The following EP400 variants were observed in gnomAD, a reference collection of about 807,000 sequenced individuals.
EP400 encodes the protein E1A binding protein p400, also known as E1A-binding protein p400.
In EP400, 105 loss-of-function variants were observed where a neutral mutation model predicts 354.1. The observed-to-expected ratio is 0.30, with a 90% CI of 0.25 to 0.35. EP400 has a LOEUF of 0.35. Among genes scored for constraint, EP400 ranks in the 10% least tolerant of loss-of-function variants. The probability of loss-of-function intolerance (pLI) is 1.00; values close to 1 mark genes in which losing one functional copy is unlikely to be tolerated. For missense variants in EP400, 3,280 were observed against 4,121.0 expected, an observed-to-expected ratio of 0.80 and a Z score of 5.59; for synonymous variants, 1,646 against 1,716.9, an observed-to-expected ratio of 0.96 and a Z score of 1.02.
chr12:132,022,487 C>T (rs1213778000), intron 23 of EP400, among the ~76,000 whole-genome samples: 1 of 152,176 alleles, frequency 6.6e-6, no homozygotes, highest in African/African-American at 2.4e-5. Context: ...ATAATTCTGG[C>T]ATGGATTTCT....
chr12:131,959,584 G>A (rs1593309224), intron 1 of EP400, among the ~76,000 whole-genome samples: 1 of 152,286 alleles, frequency 6.6e-6, no homozygotes, highest in African/African-American at 2.4e-5. Flanking sequence ...GCTCAGCAGC[G>A]TTTGGGTTAC....
chr12:132,032,484 C>T (rs1189027545), intron 30 of EP400, among the ~76,000 whole-genome samples: 1 of 152,148 alleles, frequency 6.6e-6, no homozygotes, highest in Non-Finnish European at 1.5e-5. Flanking sequence ...ACGTGTGGTA[C>T]CTCTTGCAGA....
At chr12:131,983,722 C>T (rs1892758388) in intron 5 of EP400, among the ~76,000 whole-genome samples, 3 of 152,162 alleles carry the variant, frequency 2.0e-5, no homozygotes, top group Admixed American at 2.0e-4. Flanking sequence ...CTCTGTCACC[C>T]AGGCTGGAAT....
rs1284159880 is a variant in EP400, at chr12:132,075,465, A to G, written c.9022-1051A>G. On this transcript the variant is annotated intron_variant, in intron 51 of 52. Coordinates refer to ENST00000389561, the MANE Select transcript of EP400 (RefSeq NM_015409.5). This position sits in a 1 kb window ranked among gnomAD's most constrained non-coding sequence, Gnocchi z 4.5. ...GCTAGTGCTTTATTTAAGACGTCTCAGGATTTTCAGTGCTGTGCCAAGTAA... is the reference window on the plus strand; with the variant it reads ...GCTAGTGCTTTATTTAAGACGTCTCGGGATTTTCAGTGCTGTGCCAAGTAA... Among the ~76,000 whole-genome samples, 1 of 152,224 alleles carries G rather than the reference A, an allele frequency of 6.6e-6. No homozygotes were observed. The highest frequency in any genetic ancestry group is 2.4e-5 in the African/African-American group (1 of 41,462).
chr12:132,000,204 T>G (rs1893361297), intron 12 of EP400, among the ~76,000 whole-genome samples: 1 of 152,130 alleles, frequency 6.6e-6, no homozygotes, highest in Admixed American at 6.5e-5. Context: ...TTTTCTGATT[T>G]CCCCTGTATA....
chr12:132,062,683 T>C lies in EP400; in HGVS notation c.8316T>C (p.Ala2772=). Residue 2772 remains alanine, a synonymous_variant, in exon 47 of 53, where the codon GCT becomes GCC. Coordinates refer to ENST00000389561, the MANE Select transcript of EP400 (RefSeq NM_015409.5). ...CCCAGTCCCCAGCACAGATCAAAGC[T>C]GTGGGCAAGCTGACGCCGGTGAGCA... The part of the protein sequence containing the change: ...GQAQSPAQIK[A]VGKLTPEHLI... 1 of 1,613,468 alleles carries C rather than the reference T, an allele frequency of 6.2e-7. No homozygotes were observed. Among genetic ancestry groups the C allele is most frequent in the Non-Finnish European group, 8.5e-7 (1 of 1,179,488 alleles).
At chr12:131,977,961 T>G (rs991644122) in intron 2 of EP400, among the ~76,000 whole-genome samples, 1 of 152,200 alleles carries the variant, frequency 6.6e-6, no homozygotes, top group African/African-American at 2.4e-5. Context: ...GTTTAAAATG[T>G]CTCACTAAGT....
chr12:131,992,242 C>G lies in EP400; in HGVS notation c.2737+12C>G, dbSNP rs1197797729. On this transcript the variant is annotated intron_variant, in intron 11 of 52. Coordinates refer to ENST00000389561, the MANE Select transcript of EP400 (RefSeq NM_015409.5). ...GACTGATGACGAAGGTCTGTTCCCC[C>G]TCAGCACTATCTTTGTCATCTCCAG... The G allele has an allele frequency of 8.1e-6, 13 of 1,607,548 alleles. No individual in the cohort carries two copies. Among genetic ancestry groups the G allele is most frequent in the Non-Finnish European group, 9.3e-6 (11 of 1,178,492 alleles).
rs147304028 is a variant in EP400, at chr12:131,979,706, G to A, written c.1348G>A (p.Ala450Thr). The A allele has an allele frequency of 2.3e-5, 37 of 1,606,534 alleles. No homozygotes were observed. Among genetic ancestry groups the A allele is most frequent in the East Asian group, 6.8e-5 (3 of 44,186 alleles). Residue 450 changes from alanine to threonine, a missense_variant, in exon 3 of 53, where the codon GCA becomes ACA. Ala to Thr is a moderately conservative substitution (Grantham distance 58). Around this residue, in one of 20 missense-constraint regions of EP400, gnomAD observed 800 missense variants for 840.0 expected, o/e 0.95. Transcript: ENST00000389561. ...EVINDEQQAL[A>T]GSLVAGAGST... Reference sequence around the variant, plus strand: ...TCTTTTTTCCCAGCAGCAAGCCCTCGCAGGGAGCCTGGTAGCAGGGGCCGG... The same window carrying A: ...TCTTTTTTCCCAGCAGCAAGCCCTCACAGGGAGCCTGGTAGCAGGGGCCGG...
chr12:131,964,825 A>G (rs1032938428), intron 2 of EP400, among the ~76,000 whole-genome samples: 1 of 152,232 alleles, frequency 6.6e-6, no homozygotes, highest in Non-Finnish European at 1.5e-5. Context: ...AGGAAATTGT[A>G]CAGTAGTACA....
chr12:131,986,016 C>T (rs1044053236), intron 5 of EP400, among the ~76,000 whole-genome samples: 3 of 152,000 alleles, frequency 2.0e-5, no homozygotes, highest in Non-Finnish European at 2.9e-5. Flanking sequence ...GCTTCGTTGC[C>T]CAGGCTGGAG....
intron 2 of EP400, chr12:131,963,725 C>A: frequency 9.4e-7 from 1 of 1,058,440 alleles, no homozygotes; most frequent in Non-Finnish European, 1.3e-6. Context: ...ATACTACTTG[C>A]TCTTCAGCAT....
chr12:131,970,500 G>A (rs759095785), intron 2 of EP400, among the ~76,000 whole-genome samples: 9 of 152,136 alleles, frequency 5.9e-5, no homozygotes, highest in Non-Finnish European at 8.8e-5. Context: ...GTGCAGTAAT[G>A]TTCCTCGCAG....
chr12:132,025,662 C>A lies in EP400; in HGVS notation c.4872C>A (p.Ile1624=), dbSNP rs142800597. 1.2e-6 allele frequency: 2 copies of A among 1,606,350 alleles called. No homozygotes were observed. Among genetic ancestry groups the A allele is most frequent in the East Asian group, 2.2e-5 (1 of 44,678 alleles). The change falls in exon 25 of 53, where the codon ATC becomes ATA. Residue 1624 remains isoleucine (I), a synonymous_variant. Transcript: ENST00000389561. This position sits in a 1 kb window ranked among gnomAD's most constrained non-coding sequence, Gnocchi z 4.1. The part of the protein sequence containing the change: ...PLQLQGSVLQ[I]VSAPGQPYLR... ...TGATTGCAGGCAGCGTCCTCCAGAT[C>A]GTGTCCGCCCCCGGGCAGCCCTACC... is the stretch of plus-strand genomic sequence containing the variant.
At chr12:132,016,982 CTG>C (rs894492997) in intron 19 of EP400, among the ~76,000 whole-genome samples, 3 of 152,238 alleles carry the variant, frequency 2.0e-5, no homozygotes, top group Admixed American at 6.5e-5. Context: ...GCCTGGTGCA[CTG>C]TGCTCACACC....
At chr12:132,044,635 CTT>C in intron 35 of EP400, 34 bp from the exon 36 acceptor site, 9 of 1,613,718 alleles carry the variant, frequency 5.6e-6, no homozygotes, top group Non-Finnish European at 7.6e-6. Flanking sequence ...GACACTGAGA[CTT>C]GGTGGAAGTC....
At chr12:131,989,940 A>G in intron 7 of EP400, 24 bp from the exon 8 acceptor site, 1 of 1,612,280 alleles carries the variant, frequency 6.2e-7, no homozygotes, top group Non-Finnish European at 8.5e-7. Flanking sequence ...TACAACATAC[A>G]ATTCTTGCAC....
intron 15 of EP400, among the ~76,000 whole-genome samples, chr12:132,007,381 G>T (rs1237191994): frequency 2.6e-5 from 4 of 152,242 alleles, no homozygotes; most frequent in African/African-American, 2.4e-5. Context: ...TAGGGAATGG[G>T]CCTGGGTACA....
Position 132,053,384 on chromosome 12 carries a change from CCAGCCACCCCCGCCCCAGCCG to C in EP400, c.7521_7541del (p.Gln2511_Pro2517del). ...AGAAGGCACAGCAGCCGGCCGTGGC[CCAGCCACCCCCGCCCCAGCCG>C]CAGCCCCCACCACCCCCGCAGCAGC... On this transcript the variant is annotated inframe_deletion, in exon 43 of 53. Transcript: ENST00000389561. 6.4e-7 allele frequency: 1 copy of C among 1,558,436 alleles called. No homozygotes were observed. Among genetic ancestry groups the C allele is most frequent in the Non-Finnish European group, 8.6e-7 (1 of 1,160,786 alleles).
Sources: gnomAD v4.1 joint callset for allele counts (sites outside exome capture counted in the v4.1 genomes callset) on GRCh38, gnomAD v4.1.1 for gene constraint, gnomAD v4.1.1 regional missense constraint, Gnocchi (gnomAD v3.1) non-coding constraint, MANE v1.5 for transcripts, NCBI Gene and HGNC (gene_info 2026-07-23, HGNC 2026-07-21) for gene names.